Variants in GRXCR1 observed in about 807,000 individuals in gnomAD.
GRXCR1 encodes the protein glutaredoxin domain-containing cysteine-rich protein 1.
A neutral mutation model predicts 27.3 loss-of-function variants in GRXCR1; 27 were observed. The observed-to-expected ratio is 0.99, with a 90% CI of 0.73 to 1.37. GRXCR1 has a LOEUF of 1.37. Ranked by LOEUF, GRXCR1 falls within the 40% of genes most tolerant of loss-of-function variation. GRXCR1 has a pLI of 0.00. For synonymous variants in GRXCR1, 122 were observed against 131.1 expected (o/e 0.93, Z 0.47); for missense variants, 379 against 354.4 (o/e 1.07, Z -0.56).
At chr4:42,918,142 G>A (rs1324156735) in intron 1 of GRXCR1, among the ~76,000 whole-genome samples, 1 of 152,068 alleles carries the variant, frequency 6.6e-6, no homozygotes, top group Non-Finnish European at 1.5e-5. Context: ...CAGCATGTTT[G>A]GTGTCTGGTA....
intron 1 of GRXCR1, among the ~76,000 whole-genome samples, chr4:42,927,794 G>T (rs1747195989): frequency 6.6e-6 from 1 of 151,970 alleles, no homozygotes; most frequent in South Asian, 2.1e-4. Context: ...AAGTGGGGAG[G>T]GAAATTTTCC....
intron 1 of GRXCR1, among the ~76,000 whole-genome samples, chr4:42,937,210 A>T (rs1452384170): frequency 1.3e-5 from 2 of 151,816 alleles, no homozygotes; most frequent in African/African-American, 4.8e-5. Flanking sequence ...TTGTTGCTCA[A>T]ATTGTTCCAG....
intron 1 of GRXCR1, among the ~76,000 whole-genome samples, chr4:42,908,076 C>A (rs906300639): frequency 6.6e-6 from 1 of 152,158 alleles, no homozygotes; most frequent in African/African-American, 2.4e-5. Flanking sequence ...ATCAGCCACA[C>A]CTTCGAGATG....
At chr4:42,916,327 A>G (rs1278134349) in intron 1 of GRXCR1, among the ~76,000 whole-genome samples, 6 of 152,144 alleles carry the variant, frequency 3.9e-5, no homozygotes, top group Non-Finnish European at 8.8e-5. Flanking sequence ...GTTTTCAGGC[A>G]CAAAGAGGAC....
chr4:42,893,224 G>A lies in GRXCR1; in HGVS notation c.-43G>A, dbSNP rs756133917. 2.5e-6 allele frequency: 4 copies of A among 1,611,566 alleles called. No homozygotes were observed. In the South Asian group the frequency reaches 3.3e-5, roughly 13 times the overall value. On this transcript the variant is annotated 5_prime_UTR_variant, in exon 1 of 4. Coordinates refer to ENST00000399770, the MANE Select transcript of GRXCR1 (RefSeq NM_001080476.3). ...GCAAGTGGACTAGTGCAGTAACAAC[G>A]GGTCCAGAATGCTGTAAACTGTTCA...
At chr4:42,987,247 TA>T (rs1473142566) in intron 2 of GRXCR1, among the ~76,000 whole-genome samples, 245 of 82,240 alleles carry the variant, frequency 3.0e-3, no homozygotes, top group African/African-American at 0.01. Context: ...ATATAATATA[TA>T]ATATATATAT....
rs370896738 is a variant in GRXCR1 at position 42,974,674 on chromosome 4, C to T, written c.627+11540C>T. On this transcript the variant is annotated intron_variant, in intron 2 of 3. Coordinates refer to ENST00000399770, the MANE Select transcript of GRXCR1 (RefSeq NM_001080476.3). ...AGAGCTAAGACCACTCTTATTGCTT[C>T]CTGCTTGCAAGAGGCATAGTCAGGG... Among the ~76,000 whole-genome samples, 40 of 152,238 alleles carry T rather than the reference C, an allele frequency of 2.6e-4. No individual in the cohort carries two copies. The East Asian group carries it at 5.4e-3, about 21-fold the overall frequency.
intron 2 of GRXCR1, among the ~76,000 whole-genome samples, chr4:43,002,171 G>A (rs796449306): frequency 2.0e-5 from 3 of 152,402 alleles, no homozygotes; most frequent in East Asian, 3.9e-4. Context: ...AACTGCAAGA[G>A]GCTTTCCTCT....
intron 1 of GRXCR1, among the ~76,000 whole-genome samples, chr4:42,921,024 T>A (rs1239291534): frequency 6.6e-6 from 1 of 152,106 alleles, no homozygotes; most frequent in Non-Finnish European, 1.5e-5. Flanking sequence ...CACTTTTTAC[T>A]CTGCAATGGT....
chr4:42,962,859 A>G (rs781457377), intron 1 of GRXCR1, 33 bp from the exon 2 acceptor site: 8 of 1,611,502 alleles, frequency 5.0e-6, no homozygotes, highest in South Asian at 1.1e-5. Context: ...AAGTAAAAGC[A>G]AACATTCTTA....
chr4:42,900,093 A>G (rs781722789), intron 1 of GRXCR1, among the ~76,000 whole-genome samples: 6 of 152,190 alleles, frequency 3.9e-5, no homozygotes, highest in Non-Finnish European at 8.8e-5. Flanking sequence ...GATATTGCTC[A>G]TGCTGATATT....
chr4:43,020,484 G>T, intron 3 of GRXCR1, 65 bp downstream of exon 3: 1 of 1,024,434 alleles, frequency 9.8e-7, no homozygotes, highest in South Asian at 1.3e-5. Flanking sequence ...GATTATAATT[G>T]AGTTTTCCTA....
At chr4:43,002,435 C>T (rs1712403109) in intron 2 of GRXCR1, among the ~76,000 whole-genome samples, 1 of 152,212 alleles carries the variant, frequency 6.6e-6, no homozygotes, top group African/African-American at 2.4e-5. Flanking sequence ...GCACGTCCTG[C>T]ACAGCCCTAG....
chr4:42,929,683 C>T (rs932650061), intron 1 of GRXCR1, among the ~76,000 whole-genome samples: 13 of 151,720 alleles, frequency 8.6e-5, no homozygotes, highest in Non-Finnish European at 1.5e-4. Flanking sequence ...CTGCCTGAGC[C>T]TCTCAAAATG....
intron 1 of GRXCR1, among the ~76,000 whole-genome samples, chr4:42,897,983 C>G (rs1451984355): frequency 6.7e-6 from 1 of 150,218 alleles, no homozygotes; most frequent in Admixed American, 6.6e-5. Flanking sequence ...TTTTAGATAA[C>G]TAAGTGTGAG....
At chr4:43,029,247 G>A (rs148559026) in intron 3 of GRXCR1, among the ~76,000 whole-genome samples, 67 of 152,152 alleles carry the variant, frequency 4.4e-4, no homozygotes, top group African/African-American at 1.5e-3. Flanking sequence ...ATATTTTTGA[G>A]GCTTTAATAT....
chr4:42,985,510 A>G (rs541453378), intron 2 of GRXCR1, among the ~76,000 whole-genome samples: 1 of 152,276 alleles, frequency 6.6e-6, no homozygotes, highest in Admixed American at 6.5e-5. Context: ...TGGAACTTGC[A>G]GTCAGTATCT....
intron 1 of GRXCR1, among the ~76,000 whole-genome samples, chr4:42,919,743 G>A (rs889249475): frequency 1.3e-5 from 2 of 151,778 alleles, no homozygotes. Context: ...TACATGCTGG[G>A]GAAAAGAATA....
intron 2 of GRXCR1, among the ~76,000 whole-genome samples, chr4:42,995,715 G>C (rs1327114510): frequency 6.6e-6 from 1 of 152,250 alleles, no homozygotes; most frequent in East Asian, 1.9e-4. Context: ...AAAATAAATT[G>C]GTGAATCAGG....
Sources: allele counts gnomAD v4.1 joint callset (sites outside exome capture counted in the v4.1 genomes callset), GRCh38; gene constraint gnomAD v4.1.1; transcripts MANE v1.5; gene names NCBI Gene and HGNC (gene_info 2026-07-23, HGNC 2026-07-21).